SNX29: variants seen among roughly 807,000 people sequenced by gnomAD.
The protein encoded by SNX29 is sorting nexin 29, also known as sorting nexin-29.
Under a neutral mutation model 102.1 loss-of-function variants are expected in SNX29, and 78 were observed. The ratio of observed to expected loss-of-function variants is 0.76; its 90% confidence interval spans 0.64 to 0.92. The LOEUF is 0.92. SNX29 is among the 40% of genes least tolerant of loss of function. SNX29 has a pLI of 0.00. For missense variants in SNX29, 1,280 were observed against 1,061.7 expected (o/e 1.21, Z -2.86); for synonymous variants, 580 against 414.5 (o/e 1.40, Z -4.85).
rs2089420860 is a variant in SNX29, at chr16:12,507,274, C to G, written c.2179-17428C>G. Among the ~76,000 whole-genome samples the G allele has an allele frequency of 2.0e-5, 3 of 152,204 alleles. 1 individual carries two copies. In the South Asian group the frequency reaches 6.2e-4, roughly 31 times the overall value. ...ACTTAGCACGGTGCCTGGCATTGAG[C>G]AGGCCCTCAGTAGATGCGAGCTGCT... On this transcript the variant is annotated intron_variant, in intron 19 of 20. Transcript: ENST00000566228.
chr16:11,985,733 TGGG>T (rs570664880), intron 1 of SNX29, among the ~76,000 whole-genome samples: 298 of 151,920 alleles, frequency 2.0e-3, no homozygotes, highest in Non-Finnish European at 3.7e-3. Flanking sequence ...TAATTTTGGA[TGGG>T]GTGGTTAGGA....
chr16:12,106,802 C>T (rs2053270987), intron 11 of SNX29, among the ~76,000 whole-genome samples: 1 of 151,588 alleles, frequency 6.6e-6, no homozygotes, highest in African/African-American at 2.4e-5. Flanking sequence ...AGGGTATACC[C>T]CCAACTTCCA....
At chr16:12,555,983 C>T (rs113797007) in intron 20 of SNX29, among the ~76,000 whole-genome samples, 2 of 146,196 alleles carry the variant, frequency 1.4e-5, no homozygotes, top group East Asian at 2.4e-4. Context: ...TTTCAATTTT[C>T]AAGTGTTTTT....
At chr16:12,108,497 G>T (rs1322863869) in intron 11 of SNX29, among the ~76,000 whole-genome samples, 1 of 152,236 alleles carries the variant, frequency 6.6e-6, no homozygotes, top group African/African-American at 2.4e-5. Flanking sequence ...TCTTGGAGGT[G>T]CTGTGTTTTC....
chr16:12,169,886 C>CT (rs1327150691), intron 13 of SNX29, among the ~76,000 whole-genome samples: 5 of 151,944 alleles, frequency 3.3e-5, no homozygotes, highest in Non-Finnish European at 5.9e-5. Flanking sequence ...AGTGATTATC[C>CT]TGCCTCGGCC....
At chr16:12,198,815 A>G (rs2076843100) in intron 13 of SNX29, among the ~76,000 whole-genome samples, 1 of 152,238 alleles carries the variant, frequency 6.6e-6, no homozygotes, top group Admixed American at 6.5e-5. Flanking sequence ...CTACTGAATG[A>G]AGCATCTTTC....
At position 12,400,328 on chromosome 16, in the gene SNX29, T is replaced by C. The variant is rs376868164; in HGVS notation, c.1955+1827T>C. ...GGTCCTCTCCCTTTAGGATTATTAT[T>C]TTACCCACTTAAACCACTTGTACAC... On this transcript the variant is annotated intron_variant, in intron 17 of 20. Coordinates refer to ENST00000566228, the MANE Select transcript of SNX29 (RefSeq NM_032167.5). 6.6e-5 allele frequency among the ~76,000 whole-genome samples: 10 copies of C among 152,306 alleles called. No individual in the cohort carries two copies. In the South Asian group the frequency reaches 2.1e-3, roughly 32 times the overall value.
chr16:12,276,702 C>G (rs527915098), intron 14 of SNX29, among the ~76,000 whole-genome samples: 15 of 152,266 alleles, frequency 9.9e-5, no homozygotes, highest in Non-Finnish European at 1.8e-4. Context: ...TTTCTTTGCC[C>G]TTGGTGTGGG....
rs59840717 is a variant in SNX29 at position 12,527,990 on chromosome 16, A to ATTT, written c.2318+3157_2318+3159dup. Among the ~76,000 whole-genome samples, 895 of 147,446 alleles carry ATTT rather than the reference A, an allele frequency of 6.1e-3. 16 individuals are homozygous for ATTT. The highest frequency in any genetic ancestry group is 0.041 in the East Asian group (206 of 5,008). ...CATGTGCCCACCACCATGCCTGGCT[A>ATTT]TTTTTTTTTTATTTTTAGTAGAGAT... On this transcript the variant is annotated intron_variant, in intron 20 of 20. Coordinates refer to ENST00000566228, the MANE Select transcript of SNX29 (RefSeq NM_032167.5).
At chr16:12,229,468 C>T (rs1043149783) in intron 14 of SNX29, among the ~76,000 whole-genome samples, 7 of 152,148 alleles carry the variant, frequency 4.6e-5, no homozygotes, top group Non-Finnish European at 1.0e-4. Flanking sequence ...GCCAGTTGGA[C>T]CCAGCATGAG....
At chr16:12,469,691 C>T (rs1298336593) in intron 18 of SNX29, among the ~76,000 whole-genome samples, 1 of 152,160 alleles carries the variant, frequency 6.6e-6, no homozygotes, top group African/African-American at 2.4e-5. Flanking sequence ...CTTAGTTGCT[C>T]CAGGTTTGTT....
At chr16:12,286,406 T>C (rs1418268573) in intron 15 of SNX29, among the ~76,000 whole-genome samples, 1 of 149,194 alleles carries the variant, frequency 6.7e-6, no homozygotes, top group East Asian at 2.0e-4. Context: ...AGTGCAGTGG[T>C]GTGATCTCGG....
chr16:12,349,153 C>T (rs2081918479), intron 15 of SNX29, among the ~76,000 whole-genome samples: 1 of 152,194 alleles, frequency 6.6e-6, no homozygotes, highest in Non-Finnish European at 1.5e-5. Flanking sequence ...CCCCGCCAAG[C>T]CTACATTTCC....
At chr16:12,048,315 T>G (rs3826097) in intron 6 of SNX29, 57 bp from the exon 7 acceptor site, 680,357 of 1,611,090 alleles carry the variant, frequency 0.42, 150,719 homozygotes, top group Non-Finnish European at 0.46. Flanking sequence ...TCTTCTCTTG[T>G]TGCTGGTATG....
intron 18 of SNX29, among the ~76,000 whole-genome samples, chr16:12,407,044 G>C (rs1243715032): frequency 2.6e-5 from 4 of 152,256 alleles, no homozygotes; most frequent in Non-Finnish European, 5.9e-5. Flanking sequence ...ACAGAGGTCT[G>C]CAGGGCGGCT....
chr16:12,552,306 G>A (rs1012707159), intron 20 of SNX29, among the ~76,000 whole-genome samples: 7 of 152,170 alleles, frequency 4.6e-5, no homozygotes, highest in Admixed American at 2.0e-4. Context: ...TCCTCTTCTA[G>A]AAGAGGTGAT....
chr16:11,992,175 TC>T (rs2055879081), intron 1 of SNX29, among the ~76,000 whole-genome samples: 1 of 152,074 alleles, frequency 6.6e-6, no homozygotes, highest in African/African-American at 2.4e-5. Flanking sequence ...ATGCCTGTAG[TC>T]CCAGCTACTT....
At chr16:12,093,598 C>A (rs1340066345) in intron 11 of SNX29, 1 of 152,090 alleles carries the variant, frequency 6.6e-6, no homozygotes, top group African/African-American at 2.4e-5. Flanking sequence ...AGAGTGAGAC[C>A]GTGTCTTAAA....
rs376105227 is a variant in SNX29 at position 12,571,235 on chromosome 16, T to A, written c.*2606T>A. ...GCAGGGTTCCCAGTTCCTGGAGTTA[T>A]GGAGCAGAAACACCCAGGCCTAGCA... On this transcript the variant is annotated 3_prime_UTR_variant, in exon 21 of 21. Transcript: ENST00000566228. 46 of 232,158 alleles carry A rather than the reference T, an allele frequency of 2.0e-4. No homozygotes were observed. The highest frequency in any genetic ancestry group is 3.7e-4 in the Non-Finnish European group (44 of 117,418). The allele number at this position is 232,158 out of a possible 1,614,324, so 14.4% of individuals were successfully genotyped here. A position where few individuals can be genotyped will look rare whatever the true frequency, so the allele number is the denominator to read the frequency against.
Sources: allele counts gnomAD v4.1 joint callset (sites outside exome capture counted in the v4.1 genomes callset), GRCh38; gene constraint gnomAD v4.1.1; transcripts MANE v1.5; gene names NCBI Gene and HGNC (gene_info 2026-07-23, HGNC 2026-07-21).